GRIA1: variants seen among roughly 807,000 people sequenced by gnomAD.
GRIA1 encodes glutamate ionotropic receptor AMPA type subunit 1.
Under a neutral mutation model 99.2 loss-of-function variants are expected in GRIA1, and 31 were observed. That is an observed-to-expected ratio of 0.31 (90% CI 0.23 to 0.42). The LOEUF (loss-of-function observed/expected upper bound fraction) is 0.42, where lower values mean the gene tolerates loss of function less well. Ranked by LOEUF, GRIA1 falls within the 10% of genes least tolerant of loss-of-function variation. The pLI, the probability that GRIA1 is intolerant of heterozygous loss-of-function variation, is 1.00. For synonymous variants in GRIA1, 438 were observed against 432.4 expected, an observed-to-expected ratio of 1.01 and a Z score of -0.16; for missense variants, 782 against 1,157.5, an observed-to-expected ratio of 0.68 and a Z score of 4.71.
chr5:153,680,289 T>C (rs567684837), intron 7 of GRIA1, among the ~76,000 whole-genome samples: 1 of 152,104 alleles, frequency 6.6e-6, no homozygotes, highest in South Asian at 2.1e-4. Flanking sequence ...GCTGCCTGCC[T>C]GCCCCCTGCT....
chr5:153,581,275 G>C (rs989003720), intron 2 of GRIA1, among the ~76,000 whole-genome samples: 1 of 152,144 alleles, frequency 6.6e-6, no homozygotes, highest in Non-Finnish European at 1.5e-5. Context: ...ATGTAAATCA[G>C]ATCACCTCAG....
chr5:153,753,088 T>C (rs1762601136), intron 11 of GRIA1, among the ~76,000 whole-genome samples: 1 of 152,170 alleles, frequency 6.6e-6, no homozygotes, highest in South Asian at 2.1e-4. Context: ...ACCAGTGAGC[T>C]TGGAAGTGAT....
intron 2 of GRIA1, among the ~76,000 whole-genome samples, chr5:153,557,632 T>G (rs1393498622): frequency 6.6e-6 from 1 of 152,222 alleles, no homozygotes; most frequent in Non-Finnish European, 1.5e-5. Context: ...TTTTAAACTT[T>G]TTGGTTAGAA....
intron 15 of GRIA1, among the ~76,000 whole-genome samples, chr5:153,810,435 G>C (rs1766737637): frequency 6.6e-6 from 1 of 152,208 alleles, no homozygotes. Flanking sequence ...AAGTAAATCA[G>C]AGGTAGTTTT....
In GRIA1 at chr5:153,812,398, A is replaced by T. The variant is rs1183336287; in HGVS notation, c.*1173A>T. ...TGCCCTATCCTAGGTTTAAGAAAACACGTATGAAGTTTATGCTGATGCAAA... is the reference window on the plus strand; with the variant it reads ...TGCCCTATCCTAGGTTTAAGAAAACTCGTATGAAGTTTATGCTGATGCAAA... On this transcript the variant is annotated 3_prime_UTR_variant, in exon 16 of 16. Coordinates refer to ENST00000285900, the MANE Select transcript of GRIA1 (RefSeq NM_000827.4). The T allele has an allele frequency of 6.6e-6, 1 of 152,222 alleles. No homozygotes were observed. The allele number at this position is 152,222 out of a possible 1,614,324, so 9.4% of individuals were successfully genotyped here. A position where few individuals can be genotyped will look rare whatever the true frequency, so the allele number is the denominator to read the frequency against.
intron 2 of GRIA1, among the ~76,000 whole-genome samples, chr5:153,568,644 GCATA>G (rs1207726105): frequency 6.6e-6 from 1 of 151,976 alleles, no homozygotes; most frequent in Non-Finnish European, 1.5e-5. Context: ...CTTAATAACA[GCATA>G]CATTCTTTCC....
intron 7 of GRIA1, among the ~76,000 whole-genome samples, chr5:153,681,014 A>G (rs1756933986): frequency 6.6e-6 from 1 of 152,212 alleles, no homozygotes; most frequent in Admixed American, 6.5e-5. Flanking sequence ...CTGAAACTGG[A>G]TAATGTATAA....
At chr5:153,754,578 G>A (rs1406275892) in intron 11 of GRIA1, among the ~76,000 whole-genome samples, 3 of 152,140 alleles carry the variant, frequency 2.0e-5, no homozygotes, top group African/African-American at 7.2e-5. Context: ...TCCTGAACTT[G>A]GGATAGCTTC....
chr5:153,518,244 CT>C (rs898218711), intron 2 of GRIA1, among the ~76,000 whole-genome samples: 12 of 151,162 alleles, frequency 7.9e-5, no homozygotes, highest in African/African-American at 1.9e-4. Context: ...AACTTTGAAG[CT>C]TTTTTTTTAT....
At chr5:153,752,373 G>A (rs1762560676) in intron 11 of GRIA1, among the ~76,000 whole-genome samples, 2 of 152,080 alleles carry the variant, frequency 1.3e-5, no homozygotes. Flanking sequence ...AGAGTAATTA[G>A]CAAGCCCTTC....
chr5:153,499,614 A>C (rs1271058982), intron 2 of GRIA1, among the ~76,000 whole-genome samples: 1 of 45,300 alleles, frequency 2.2e-5, no homozygotes, highest in Non-Finnish European at 5.2e-5. Flanking sequence ...AATTTGTCTC[A>C]AAAAAAAAAA....
intron 11 of GRIA1, among the ~76,000 whole-genome samples, chr5:153,707,311 A>G (rs1758968670): frequency 1.3e-5 from 2 of 152,142 alleles, no homozygotes; most frequent in Non-Finnish European, 2.9e-5. Flanking sequence ...TGAAGCTAAG[A>G]AAAGAGAAAG....
chr5:153,593,925 T>G (rs1764202082), intron 2 of GRIA1, among the ~76,000 whole-genome samples: 2 of 152,218 alleles, frequency 1.3e-5, no homozygotes, highest in African/African-American at 4.8e-5. Context: ...GAGGGTAAAT[T>G]TTTAGATCTT....
intron 2 of GRIA1, among the ~76,000 whole-genome samples, chr5:153,567,902 T>C (rs1159849720): frequency 6.6e-6 from 1 of 152,054 alleles, no homozygotes; most frequent in East Asian, 1.9e-4. Flanking sequence ...TAATAAGAAA[T>C]TTGGAATTAT....
chr5:153,654,245 A>G (rs929411609), intron 4 of GRIA1, among the ~76,000 whole-genome samples: 4 of 152,146 alleles, frequency 2.6e-5, no homozygotes, highest in Non-Finnish European at 4.4e-5. Flanking sequence ...AGGTTGGGGA[A>G]TAGATAGATG....
chr5:153,771,442 G>A (rs1049687105), intron 13 of GRIA1, among the ~76,000 whole-genome samples: 2 of 152,166 alleles, frequency 1.3e-5, no homozygotes, highest in Non-Finnish European at 2.9e-5. Context: ...ATAATACTAA[G>A]CCCCAACATT....
chr5:153,492,080 T>C (rs1753965245), intron 1 of GRIA1: 2 of 1,348,382 alleles, frequency 1.5e-6, no homozygotes, highest in Non-Finnish European at 1.9e-6. Flanking sequence ...TTCTAGTCTC[T>C]CTCCCCTGGT....
chr5:153,795,624 G>A, intron 14 of GRIA1: 1 of 1,261,492 alleles, frequency 7.9e-7, no homozygotes, highest in East Asian at 2.4e-5. Context: ...ACGCACACCT[G>A]TAACAAAAAT....
chr5:153,564,593 CA>C, intron 2 of GRIA1, among the ~76,000 whole-genome samples: 1 of 152,142 alleles, frequency 6.6e-6, no homozygotes, highest in Non-Finnish European at 1.5e-5. Flanking sequence ...TTGGAGCTGT[CA>C]GCTGCAACAC....
Sources: gnomAD v4.1 joint callset for allele counts (sites outside exome capture counted in the v4.1 genomes callset) on GRCh38, gnomAD v4.1.1 for gene constraint, MANE v1.5 for transcripts, NCBI Gene and HGNC (gene_info 2026-07-23, HGNC 2026-07-21) for gene names.